GRIN2B: variants seen among roughly 807,000 people sequenced by gnomAD.
GRIN2B encodes glutamate receptor ionotropic, NMDA 2B.
In GRIN2B, 5 loss-of-function variants were observed where a neutral mutation model predicts 114.5. The observed-to-expected ratio is 0.04, with a 90% CI of 0.02 to 0.09. The LOEUF (loss-of-function observed/expected upper bound fraction) is 0.09, where lower values mean the gene tolerates loss of function less well. Among genes scored for constraint, GRIN2B ranks in the 10% least tolerant of loss-of-function variants. The pLI is 1.00. For missense variants in GRIN2B, 1,108 were observed against 1,943.5 expected, an observed-to-expected ratio of 0.57 and a Z score of 8.08; for synonymous variants, 787 against 745.1, an observed-to-expected ratio of 1.06 and a Z score of -0.92.
At chr12:13,572,228 C>A (rs1383112283) in intron 10 of GRIN2B, among the ~76,000 whole-genome samples, 1 of 152,140 alleles carries the variant, frequency 6.6e-6, no homozygotes, top group Non-Finnish European at 1.5e-5. Flanking sequence ...TAATCTATAA[C>A]CCTTCTATGT....
At chr12:13,976,880 G>C (rs948421150) in intron 2 of GRIN2B, among the ~76,000 whole-genome samples, 1 of 152,102 alleles carries the variant, frequency 6.6e-6, no homozygotes, top group Non-Finnish European at 1.5e-5. Flanking sequence ...GCTCAGTCCT[G>C]TTTCTCCCAA....
At chr12:13,841,698 T>C (rs1021545099) in intron 3 of GRIN2B, among the ~76,000 whole-genome samples, 1 of 152,118 alleles carries the variant, frequency 6.6e-6, no homozygotes, top group Non-Finnish European at 1.5e-5. Flanking sequence ...CACTAGCCCA[T>C]GGATCAATGA....
At chr12:13,960,135 T>C (rs1180654183) in intron 2 of GRIN2B, among the ~76,000 whole-genome samples, 1 of 152,010 alleles carries the variant, frequency 6.6e-6, no homozygotes, top group East Asian at 1.9e-4. Flanking sequence ...TCCCCACTCA[T>C]GACAATGAAA....
At chr12:13,817,142 A>C (rs918888204) in intron 3 of GRIN2B, among the ~76,000 whole-genome samples, 1 of 152,170 alleles carries the variant, frequency 6.6e-6, no homozygotes, top group African/African-American at 2.4e-5. Flanking sequence ...GAAGAATAAA[A>C]GTTTGGAAAT....
intron 2 of GRIN2B, among the ~76,000 whole-genome samples, chr12:13,869,664 A>G (rs1361122842): frequency 1.3e-5 from 2 of 152,102 alleles, no homozygotes; most frequent in African/African-American, 2.4e-5. Context: ...GATGACATCA[A>G]TTTTCAAACC....
At chr12:13,867,143 G>A (rs1865840889) in intron 2 of GRIN2B, among the ~76,000 whole-genome samples, 1 of 152,144 alleles carries the variant, frequency 6.6e-6, no homozygotes, top group Non-Finnish European at 1.5e-5. Context: ...AGCAGCTGAA[G>A]TAATGTTAGA....
chr12:13,732,886 C>T (rs575944720), intron 4 of GRIN2B, among the ~76,000 whole-genome samples: 23 of 152,298 alleles, frequency 1.5e-4, no homozygotes, highest in Middle Eastern at 3.4e-3. Context: ...ACTCATTTGA[C>T]AAGTATATAA....
chr12:13,581,878 C>G (rs983505587), intron 10 of GRIN2B, among the ~76,000 whole-genome samples: 1 of 147,428 alleles, frequency 6.8e-6, no homozygotes, highest in African/African-American at 2.5e-5. Flanking sequence ...TCACTGCACT[C>G]CACCCTGGGT....
chr12:13,817,277 G>A lies in GRIN2B; in HGVS notation c.411+48521C>T, dbSNP rs76273525. On this transcript the variant is annotated intron_variant, in intron 3 of 13. Coordinates refer to ENST00000609686, the MANE Select transcript of GRIN2B (RefSeq NM_000834.5). ...AATGACAGTCAGACAGCGGTGCAGT[G>A]GTCCAGAATCTGCCTCCACAGCATG... Among the ~76,000 whole-genome samples, 950 of 152,248 alleles carry A rather than the reference G, an allele frequency of 6.2e-3. 6 individuals are homozygous for A. Among genetic ancestry groups the A allele is most frequent in the South Asian group, 9.6e-3 (46 of 4,810 alleles).
At chr12:13,592,024 C>G (rs964613361) in intron 10 of GRIN2B, among the ~76,000 whole-genome samples, 1 of 152,202 alleles carries the variant, frequency 6.6e-6, no homozygotes, top group Admixed American at 6.5e-5. Context: ...GTACCAGGTA[C>G]TGTCTCAGGA....
In GRIN2B at chr12:13,558,998, T is replaced by A. The variant is rs1243854993; in HGVS notation, c.*3785A>T. On this transcript the variant is annotated 3_prime_UTR_variant, in exon 14 of 14. Transcript: ENST00000609686. ...GTACAAAGCGAGAAAGCATGGATTC[T>A]GAAGAACATGGGAATATTAGGTGCT... 8 of 152,382 alleles carry A rather than the reference T, an allele frequency of 5.2e-5. No homozygotes were observed. The East Asian group carries it at 1.5e-3, about 29-fold the overall frequency. 9.4% of individuals were successfully genotyped at this position (152,382 alleles called of 1,614,324 possible).
At chr12:13,844,824 T>C (rs1465571974) in intron 3 of GRIN2B, among the ~76,000 whole-genome samples, 2 of 152,208 alleles carry the variant, frequency 1.3e-5, no homozygotes, top group Non-Finnish European at 1.5e-5. Context: ...GTAAAGTATA[T>C]AAATTTACTT....
chr12:13,847,512 G>A (rs887367171), intron 3 of GRIN2B, among the ~76,000 whole-genome samples: 3 of 152,094 alleles, frequency 2.0e-5, no homozygotes, highest in African/African-American at 4.8e-5. Context: ...CAGGTCCAAA[G>A]GTAGGCTACA....
intron 2 of GRIN2B, among the ~76,000 whole-genome samples, chr12:13,926,490 G>A (rs1866913161): frequency 2.6e-5 from 4 of 152,106 alleles, no homozygotes; most frequent in Admixed American, 2.6e-4. Flanking sequence ...AGACCACCTT[G>A]TACGATAACC....
chr12:13,601,232 C>T (rs1949154716), intron 10 of GRIN2B, among the ~76,000 whole-genome samples: 1 of 152,176 alleles, frequency 6.6e-6, no homozygotes, highest in South Asian at 2.1e-4. Flanking sequence ...CCAGAAGTTC[C>T]AAAACAAGGT....
intron 4 of GRIN2B, among the ~76,000 whole-genome samples, chr12:13,746,022 A>G (rs1174006553): frequency 1.4e-5 from 2 of 144,104 alleles, no homozygotes; most frequent in African/African-American, 2.5e-5. Flanking sequence ...GGGAGGAGGG[A>G]GACAAAAAAA....
At chr12:13,622,729 AG>A (rs1949530228) in intron 5 of GRIN2B, among the ~76,000 whole-genome samples, 1 of 152,096 alleles carries the variant, frequency 6.6e-6, no homozygotes, top group East Asian at 1.9e-4. Context: ...AGGGCAGGAG[AG>A]TATGTGTGAG....
chr12:13,820,247 A>G (rs1864908906), intron 3 of GRIN2B, among the ~76,000 whole-genome samples: 1 of 152,128 alleles, frequency 6.6e-6, no homozygotes, highest in Non-Finnish European at 1.5e-5. Flanking sequence ...GCCAAATACC[A>G]ATGCCATCCT....
At chr12:13,924,982 A>G (rs982731273) in intron 2 of GRIN2B, among the ~76,000 whole-genome samples, 1 of 152,206 alleles carries the variant, frequency 6.6e-6, no homozygotes, top group Non-Finnish European at 1.5e-5. Flanking sequence ...AATAAAAATG[A>G]AGGCAATGGT....
Sources: allele counts gnomAD v4.1 joint callset (sites outside exome capture counted in the v4.1 genomes callset), GRCh38; gene constraint gnomAD v4.1.1; transcripts MANE v1.5; gene names NCBI Gene and HGNC (gene_info 2026-07-23, HGNC 2026-07-21).